The following JPH1 variants were observed in gnomAD, a reference collection of about 807,000 sequenced individuals.
The protein encoded by JPH1 is junctophilin-1.
Under a neutral mutation model 53.6 loss-of-function variants are expected in JPH1, and 12 were observed. That is an observed-to-expected ratio of 0.22 (90% CI 0.14 to 0.36). The LOEUF is 0.36. JPH1 is among the 10% of genes least tolerant of loss of function. The pLI is 1.00. For synonymous variants in JPH1, 375 were observed against 363.8 expected (o/e 1.03, Z -0.35); for missense variants, 808 against 905.5 (o/e 0.89, Z 1.38).
In JPH1 at chr8:74,277,163, G is replaced by T. The variant is rs147924772; in HGVS notation, c.1140-17660C>A. 5.8e-3 allele frequency among the ~76,000 whole-genome samples: 877 copies of T among 152,250 alleles called. 19 individuals carry two copies. In the East Asian group the frequency reaches 0.069, roughly 12 times the overall value. On this transcript the variant is annotated intron_variant, in intron 2 of 5. Transcript: ENST00000342232. ...CTAGCAAGCACTTTGTGATCTTGGG[G>T]TGGCATATGAAGCCCTCTGCCTGCA...
chr8:74,314,744 T>A, intron 2 of JPH1, 117 bp downstream of exon 2: 4 of 1,206,538 alleles, frequency 3.3e-6, no homozygotes, highest in Non-Finnish European at 4.7e-6. Context: ...TCACCTTTGA[T>A]TTTTTAGTAG....
chr8:74,287,147 G>A (rs981029708), intron 2 of JPH1, among the ~76,000 whole-genome samples: 4 of 152,108 alleles, frequency 2.6e-5, no homozygotes, highest in African/African-American at 7.2e-5. Flanking sequence ...ATTACTGCAA[G>A]TTGGCTGGGC....
intron 2 of JPH1, among the ~76,000 whole-genome samples, chr8:74,299,169 C>T (rs190509556): frequency 1.2e-3 from 188 of 152,230 alleles, no homozygotes; most frequent in African/African-American, 1.6e-3. Flanking sequence ...AAAATGTTGC[C>T]GAAGGACCAA....
At chr8:74,271,228 G>T (rs1806689470) in intron 2 of JPH1, among the ~76,000 whole-genome samples, 1 of 152,136 alleles carries the variant, frequency 6.6e-6, no homozygotes, top group South Asian at 2.1e-4. Flanking sequence ...ATTGGTAGGG[G>T]TAGGGAAAGC....
At position 74,244,987 on chromosome 8, in the gene JPH1, G is replaced by A. The variant is rs758302262; in HGVS notation, c.1447C>T (p.Leu483=). The change falls in exon 4 of 6, where the codon CTG becomes TTG. Residue 483 remains leucine, a synonymous_variant. Coordinates refer to ENST00000342232, the MANE Select transcript of JPH1 (RefSeq NM_020647.4). The part of the protein sequence containing the change: ...SHSPASSPKP[L]KKQNPSSGAR... ...CCTGAGCTGGGGTTTTGCTTCTTCAGGGGCTTTGGGGAGGAAGCAGGAGAG... is the reference window on the plus strand; with the variant it reads ...CCTGAGCTGGGGTTTTGCTTCTTCAAGGGCTTTGGGGAGGAAGCAGGAGAG... 1.6e-5 allele frequency: 26 copies of A among 1,613,956 alleles called. No individual in the cohort carries two copies. The highest frequency in any genetic ancestry group is 3.3e-4 in the Middle Eastern group (2 of 6,082).
chr8:74,254,492 G>C (rs1306406716), intron 3 of JPH1, among the ~76,000 whole-genome samples: 1 of 152,066 alleles, frequency 6.6e-6, no homozygotes, highest in Non-Finnish European at 1.5e-5. Flanking sequence ...ACAAGACAGG[G>C]ATGCCCTCTC....
intron 2 of JPH1, among the ~76,000 whole-genome samples, chr8:74,263,477 G>A (rs1015506048): frequency 2.6e-5 from 4 of 152,092 alleles, no homozygotes; most frequent in African/African-American, 9.7e-5. Flanking sequence ...AAAGCAATTG[G>A]CACATAAAAA....
At chr8:74,313,620 T>C (rs1470899472) in intron 2 of JPH1, among the ~76,000 whole-genome samples, 1 of 151,420 alleles carries the variant, frequency 6.6e-6, no homozygotes, top group Non-Finnish European at 1.5e-5. Flanking sequence ...TTTTTGTACA[T>C]TAAAAAATTT....
chr8:74,312,899 C>T (rs998828652), intron 2 of JPH1, among the ~76,000 whole-genome samples: 5 of 152,186 alleles, frequency 3.3e-5, no homozygotes, highest in Non-Finnish European at 7.3e-5. Context: ...AGGTCTTAAA[C>T]TAAAGATCTC....
chr8:74,272,121 G>T (rs947805039), intron 2 of JPH1, among the ~76,000 whole-genome samples: 1 of 152,136 alleles, frequency 6.6e-6, no homozygotes, highest in Admixed American at 6.5e-5. Context: ...GATAACTTTT[G>T]AATGTGTGTT....
At chr8:74,237,881 C>G (rs1312035531) in intron 4 of JPH1, among the ~76,000 whole-genome samples, 1 of 152,146 alleles carries the variant, frequency 6.6e-6, no homozygotes, top group Admixed American at 6.6e-5. Flanking sequence ...CTTACAGGCC[C>G]AGCTTTTCAA....
At chr8:74,259,354 T>C (rs1303717661) in intron 3 of JPH1, 31 bp downstream of exon 3, 4 of 1,522,052 alleles carry the variant, frequency 2.6e-6, no homozygotes, top group African/African-American at 1.4e-5. Flanking sequence ...CCAGTGCTCC[T>C]GCCTCACCCA....
chr8:74,291,799 G>A (rs988526240), intron 2 of JPH1, among the ~76,000 whole-genome samples: 1 of 152,158 alleles, frequency 6.6e-6, no homozygotes, highest in African/African-American at 2.4e-5. Flanking sequence ...ATGATAGACT[G>A]GATTAAGAAA....
intron 2 of JPH1, among the ~76,000 whole-genome samples, chr8:74,272,718 C>T (rs577449774): frequency 3.9e-4 from 59 of 151,828 alleles, no homozygotes; most frequent in Admixed American, 1.1e-3. Context: ...ATTCTCCTGC[C>T]TCAGCCTCCC....
intron 2 of JPH1, among the ~76,000 whole-genome samples, chr8:74,271,160 G>A (rs1806687508): frequency 2.6e-5 from 4 of 152,150 alleles, no homozygotes; most frequent in Admixed American, 2.6e-4. Context: ...AATTTCTAGA[G>A]GCCCAAGAAT....
intron 4 of JPH1, among the ~76,000 whole-genome samples, chr8:74,241,320 G>A (rs1805685478): frequency 6.6e-6 from 1 of 152,098 alleles, no homozygotes; most frequent in African/African-American, 2.4e-5. Flanking sequence ...GATATGGGGT[G>A]AAAAGCTTTA....
Position 74,321,528 on chromosome 8 carries a change from C to CCG in JPH1, c.-243_-242dup, listed in dbSNP as rs1490969167. ...TTCGCCGCCGCCGCCTGGGCCAGCG[C>CCG]CGCGCGCGAGAGGACAGCCCAGGTT... On this transcript the variant is annotated 5_prime_UTR_variant, in exon 1 of 6. Transcript: ENST00000342232. This position sits in a 1 kb window ranked among gnomAD's most constrained non-coding sequence, Gnocchi z 4.3. 5 of 434,962 alleles carry CCG rather than the reference C, an allele frequency of 1.1e-5. No individual in the cohort carries two copies. Among genetic ancestry groups the CCG allele is most frequent in the Admixed American group, 4.6e-5 (1 of 21,864 alleles). 26.9% of individuals were successfully genotyped at this position (434,962 alleles called of 1,614,324 possible).
At chr8:74,317,839 A>G (rs1808206332) in intron 1 of JPH1, among the ~76,000 whole-genome samples, 1 of 152,216 alleles carries the variant, frequency 6.6e-6, no homozygotes, top group African/African-American at 2.4e-5. Flanking sequence ...CAAAAATAAG[A>G]CTAGTACAGT....
intron 2 of JPH1, among the ~76,000 whole-genome samples, chr8:74,278,808 G>T (rs552074077): frequency 5.9e-5 from 9 of 152,284 alleles, no homozygotes; most frequent in Admixed American, 1.3e-4. Context: ...ACTTGGATTT[G>T]GGTCCTGTTC....
Sources: gnomAD v4.1 joint callset for allele counts (sites outside exome capture counted in the v4.1 genomes callset) on GRCh38, gnomAD v4.1.1 for gene constraint, Gnocchi (gnomAD v3.1) non-coding constraint, MANE v1.5 for transcripts, NCBI Gene and HGNC (gene_info 2026-07-23, HGNC 2026-07-21) for gene names.